The following DNAH3 variants were observed in gnomAD, a reference collection of about 807,000 sequenced individuals.
The protein encoded by DNAH3 is dynein axonemal heavy chain 3, also known as axonemal beta dynein heavy chain 3.
In DNAH3, 332 loss-of-function variants were observed where a neutral mutation model predicts 432.5. The ratio of observed to expected loss-of-function variants is 0.77; its 90% CI spans 0.70 to 0.84. DNAH3 has a LOEUF of 0.84. Ranked by LOEUF, DNAH3 falls within the 40% of genes least tolerant of loss-of-function variation. The pLI is 0.00. For synonymous variants in DNAH3, 1,956 were observed against 1,900.2 expected (o/e 1.03, Z -0.76); for missense variants, 4,861 against 5,114.0 (o/e 0.95, Z 1.51).
At chr16:21,159,258 C>T (rs367726670) in intron 1 of DNAH3, 10 of 1,357,836 alleles carry the variant, frequency 7.4e-6, no homozygotes, top group African/African-American at 4.3e-5. Context: ...TAACTAAGTA[C>T]TCGACTCCCC....
At chr16:21,042,565 T>C (rs2089493850) in intron 31 of DNAH3, among the ~76,000 whole-genome samples, 1 of 152,216 alleles carries the variant, frequency 6.6e-6, no homozygotes, top group Non-Finnish European at 1.5e-5. Flanking sequence ...TCTTTTGTGA[T>C]GCATCTTTTG....
In DNAH3 at chr16:21,151,548, G is replaced by A. The variant is rs111767088; in HGVS notation, c.118-5460C>T. Among the ~76,000 whole-genome samples the A allele has an allele frequency of 1.3e-3, 197 of 152,000 alleles. 1 individual carries two copies. The highest frequency in any genetic ancestry group is 4.3e-3 in the African/African-American group (180 of 41,426). On this transcript the variant is annotated intron_variant, in intron 1 of 61. Coordinates refer to ENST00000261383, the Ensembl canonical transcript of DNAH3. Reference sequence around the variant, plus strand: ...CCTGACCTCGTGATCCGCCCACCTCGGCCTCCCAAAGTGTGGGATTACAGG... The same window carrying A: ...CCTGACCTCGTGATCCGCCCACCTCAGCCTCCCAAAGTGTGGGATTACAGG...
At chr16:21,016,150 A>G (rs2087847058) in intron 41 of DNAH3, among the ~76,000 whole-genome samples, 1 of 152,208 alleles carries the variant, frequency 6.6e-6, no homozygotes, top group Non-Finnish European at 1.5e-5. Context: ...TCAGTGAGGC[A>G]CAAGGGAAGT....
At chr16:20,989,126 C>T (rs970446697) in intron 44 of DNAH3, among the ~76,000 whole-genome samples, 1 of 152,158 alleles carries the variant, frequency 6.6e-6, no homozygotes, top group South Asian at 2.1e-4. Flanking sequence ...ACTGCTGGCT[C>T]GGGCAGCCTG....
At chr16:20,951,353 C>A (rs1428242420) in intron 56 of DNAH3, among the ~76,000 whole-genome samples, 1 of 151,870 alleles carries the variant, frequency 6.6e-6, no homozygotes, top group African/African-American at 2.4e-5. Flanking sequence ...AAGTTTGCCA[C>A]GATCATCTCC....
intron 28 of DNAH3, 61 bp from the exon 29 acceptor site, chr16:21,051,929 A>G: frequency 7.2e-7 from 1 of 1,396,080 alleles, no homozygotes; most frequent in Non-Finnish European, 1.0e-6. Context: ...CATCTTTGTA[A>G]GCTCCTCAGT....
chr16:21,141,637 A>C (rs760278034), intron 3 of DNAH3, among the ~76,000 whole-genome samples: 1 of 152,216 alleles, frequency 6.6e-6, no homozygotes, highest in African/African-American at 2.4e-5. Flanking sequence ...TCGTTCATAC[A>C]TTTGGCAAGA....
intron 53 of DNAH3, among the ~76,000 whole-genome samples, chr16:20,960,651 G>A (rs1470764896): frequency 3.3e-5 from 5 of 152,172 alleles, no homozygotes; most frequent in Non-Finnish European, 5.9e-5. Context: ...GTTGCAGTGA[G>A]CCGAGATCAC....
intron 28 of DNAH3, 30 bp from the exon 29 acceptor site, chr16:21,051,898 C>A (rs1214196006): frequency 6.3e-7 from 1 of 1,598,792 alleles, no homozygotes; most frequent in Non-Finnish European, 8.6e-7. Context: ...GAAACACGCA[C>A]ACAGAGCCAT....
chr16:21,136,182 G>A (rs1420861598), intron 6 of DNAH3, 142 bp downstream of exon 7: 1 of 747,670 alleles, frequency 1.3e-6, no homozygotes, highest in Non-Finnish European at 2.2e-6. Context: ...GGGAGGCTAA[G>A]GAGGGAGGAT....
chr16:21,099,112 T>C lies in DNAH3; in HGVS notation c.2367-343A>G, dbSNP rs574286244. 4.3e-4 allele frequency among the ~76,000 whole-genome samples: 65 copies of C among 152,310 alleles called. 1 individual carries two copies. Among genetic ancestry groups the C allele is most frequent in the Non-Finnish European group, 8.8e-5 (6 of 68,026 alleles). ...TCATTCAGCCATTAGACATTTATTA[T>C]TGAGTGCCTAATATATTCTATAACT... On this transcript the variant is annotated intron_variant, in intron 16 of 61. Coordinates refer to ENST00000261383, the Ensembl canonical transcript of DNAH3.
chr16:21,026,519 G>A (rs970939675), intron 38 of DNAH3, among the ~76,000 whole-genome samples: 1 of 151,800 alleles, frequency 6.6e-6, no homozygotes, highest in Non-Finnish European at 1.5e-5. Context: ...TGGCCAACAT[G>A]GTGAAACCCC....
At chr16:21,081,770 G>A (rs949299597) in intron 19 of DNAH3, 43 bp from the exon 20 acceptor site, 12 of 1,525,598 alleles carry the variant, frequency 7.9e-6, no homozygotes, top group Non-Finnish European at 1.1e-5. Flanking sequence ...GTCCGAGGCA[G>A]TGCTGTCCAG....
intron 2 of DNAH3, 93 bp from the exon 4 acceptor site, chr16:21,145,499 GTGCCTTATGCTATGTTTCTGCCTTC>G: frequency 7.2e-6 from 8 of 1,104,268 alleles, no homozygotes. Context: ...AGAGTTCCAA[GTGCCTTATGCTATGTTTCTGCCTTC>G]TGCACATTCA....
chr16:20,982,804 G>C lies in DNAH3; in HGVS notation c.7776C>G (p.Phe2592Leu), dbSNP rs376431023. Residue 2592 changes from phenylalanine (F) to leucine (L), a missense_variant, in exon 49 of 62, where the codon TTC becomes TTG. Phe to Leu is a conservative substitution (Grantham distance 22, BLOSUM62 0). Coordinates refer to ENST00000261383, the Ensembl canonical transcript of DNAH3. The stretch of plus-strand genomic sequence containing the variant: ...CTAGGGCATCTGTGGGCCAGGACTG[G>C]AACCAATCAATCGTACAGCAATTGA... 5.2e-5 allele frequency: 84 copies of C among 1,614,068 alleles called. No individual in the cohort carries two copies. Among genetic ancestry groups the C allele is most frequent in the Non-Finnish European group, 7.0e-5 (83 of 1,180,040 alleles).
intron 21 of DNAH3, among the ~76,000 whole-genome samples, chr16:21,071,270 G>A (rs529110524): frequency 6.6e-6 from 1 of 152,174 alleles, no homozygotes; most frequent in African/African-American, 2.4e-5. Flanking sequence ...TCAAACTCCT[G>A]ACCTCAGGTG....
intron 3 of DNAH3, among the ~76,000 whole-genome samples, chr16:21,144,841 G>T (rs2092761446): frequency 6.6e-6 from 1 of 152,134 alleles, no homozygotes; most frequent in South Asian, 2.1e-4. Context: ...CTCCAGGCCA[G>T]GCACAGTGGC....
chr16:21,129,942 T>C (rs1326968382), intron 7 of DNAH3: 1 of 152,016 alleles, frequency 6.6e-6, no homozygotes, highest in Non-Finnish European at 1.5e-5. Flanking sequence ...TATTATATAA[T>C]TTATTTACCT....
intron 31 of DNAH3, among the ~76,000 whole-genome samples, chr16:21,047,367 G>C (rs1247611928): frequency 1.3e-5 from 2 of 149,656 alleles, no homozygotes; most frequent in African/African-American, 4.9e-5. Flanking sequence ...TGGAGGCTTT[G>C]CTCATTTCTT....
Sources: gnomAD v4.1 joint callset for allele counts (sites outside exome capture counted in the v4.1 genomes callset) on GRCh38, gnomAD v4.1.1 for gene constraint, MANE v1.5 for transcripts, NCBI Gene and HGNC (gene_info 2026-07-23, HGNC 2026-07-21) for gene names.